The following NRK variants were observed in gnomAD, a reference collection of about 807,000 sequenced individuals.
NRK encodes Nik related kinase.
Under a neutral mutation model 125.2 loss-of-function variants are expected in NRK, and 67 were observed. The observed-to-expected ratio is 0.54, with a 90% CI of 0.44 to 0.66. The LOEUF is 0.66. Among genes scored for constraint, NRK ranks in the 30% least tolerant of loss-of-function variants. The pLI is 0.00. For missense variants in NRK, 1,224 were observed against 1,192.9 expected (o/e 1.03, Z -0.38); for synonymous variants, 458 against 429.0 (o/e 1.07, Z -0.84).
intron 21 of NRK, among the ~76,000 whole-genome samples, chrX:105,936,153 C>A (rs2040662150): frequency 9.0e-6 from 1 of 111,427 alleles, no homozygotes; most frequent in African/African-American, 3.3e-5. Flanking sequence ...TAAATGCCAA[C>A]CTCTGTCTTG....
chrX:105,923,928 T>TATATATA (rs2040489298), intron 18 of NRK, among the ~76,000 whole-genome samples: 1 of 78,917 alleles, frequency 1.3e-5, no homozygotes, highest in Non-Finnish European at 2.1e-5. Context: ...TATATATATG[T>TATATATA]GAAATTTAAG....
chrX:105,952,856 C>T, intron 27 of NRK, among the ~76,000 whole-genome samples, 178 bp from the exon 28 acceptor site: 1 of 111,875 alleles, frequency 8.9e-6, no homozygotes, highest in Non-Finnish European at 1.9e-5. Context: ...CCAGTTTGAA[C>T]ACCACTCTTG....
intron 2 of NRK, among the ~76,000 whole-genome samples, chrX:105,868,698 C>CT (rs2039703164): frequency 9.2e-6 from 1 of 108,355 alleles, no homozygotes; most frequent in African/African-American, 3.4e-5. Context: ...ATCCACCATA[C>CT]TTTCCCCCCA....
chrX:105,845,811 G>A (rs1291251445), intron 2 of NRK, among the ~76,000 whole-genome samples: 1 of 111,768 alleles, frequency 8.9e-6, no homozygotes, highest in Non-Finnish European at 1.9e-5. Flanking sequence ...GCTTCTTCTG[G>A]CAAATGTTTT....
intron 28 of NRK, among the ~76,000 whole-genome samples, chrX:105,954,233 C>T (rs769788922): frequency 1.2e-4 from 13 of 110,897 alleles, no homozygotes; most frequent in Non-Finnish European, 2.3e-4. Context: ...AATGTTGTCT[C>T]TTTATTATGA....
At chrX:105,910,177 A>G (rs1245431934) in intron 13 of NRK, among the ~76,000 whole-genome samples, 1 of 112,177 alleles carries the variant, frequency 8.9e-6, no homozygotes, top group Non-Finnish European at 1.9e-5. Context: ...AAAAATTACT[A>G]TTTTGGATCT....
intron 19 of NRK, among the ~76,000 whole-genome samples, chrX:105,929,363 C>T (rs2040565225): frequency 9.0e-6 from 1 of 111,503 alleles, no homozygotes; most frequent in African/African-American, 3.2e-5. Flanking sequence ...TCTTCATTTT[C>T]AATCAGTGTG....
chrX:105,879,233 A>G (rs978176737), intron 2 of NRK, among the ~76,000 whole-genome samples: 29 of 110,674 alleles, frequency 2.6e-4, no homozygotes, highest in African/African-American at 8.8e-4. Context: ...ATCTGCAAAG[A>G]CCCTGTTTCC....
chrX:105,948,565 T>G (rs2040848802), intron 26 of NRK: 1 of 436,326 alleles, frequency 2.3e-6, no homozygotes, highest in East Asian at 3.9e-5. Context: ...CTAAACAGAT[T>G]TTATTAAGAC....
chrX:105,922,540 A>G (rs1446700184), intron 17 of NRK, among the ~76,000 whole-genome samples: 1 of 112,061 alleles, frequency 8.9e-6, no homozygotes, highest in Admixed American at 9.5e-5. Context: ...TCCTAATGCA[A>G]TGTGCTTTCA....
chrX:105,854,406 G>A (rs1197197248), intron 2 of NRK, among the ~76,000 whole-genome samples: 1 of 111,679 alleles, frequency 9.0e-6, no homozygotes, highest in Non-Finnish European at 1.9e-5. Flanking sequence ...AAGACACATA[G>A]CCTCAAGATA....
At chrX:105,837,189 T>C (rs1048586309) in intron 2 of NRK, among the ~76,000 whole-genome samples, 19 of 111,597 alleles carry the variant, frequency 1.7e-4, no homozygotes, top group African/African-American at 5.8e-4. Context: ...TAGTGAGATA[T>C]TGGATTTTTT....
chrX:105,906,508 C>A lies in NRK; in HGVS notation c.940C>A (p.Arg314=), dbSNP rs747023598. ...SANMLQHPFV[R]DIKNERHVVE... ...AAACATGCTTCAACACCCATTTGTT[C>A]GGGATATAAAAAATGAACGACATGT... The change falls in exon 11 of 29, where the codon CGG becomes AGG. Residue 314 remains arginine, a synonymous_variant. Transcript: ENST00000243300. 1 of 1,155,591 alleles carries A rather than the reference C, an allele frequency of 8.7e-7. No homozygotes were observed. The highest frequency in any genetic ancestry group is 1.2e-6 in the Non-Finnish European group (1 of 857,654).
chrX:105,830,224 C>G (rs113652530), intron 1 of NRK, among the ~76,000 whole-genome samples: 6,027 of 93,489 alleles, frequency 0.064, 514 homozygotes, highest in African/African-American at 0.23. Flanking sequence ...TGAGGCAGGA[C>G]AATCACTTGA....
intron 9 of NRK, among the ~76,000 whole-genome samples, chrX:105,903,832 A>C (rs761857136): frequency 8.9e-6 from 1 of 111,844 alleles, no homozygotes; most frequent in Non-Finnish European, 1.9e-5. Context: ...TTAATATTGT[A>C]CCAACTCCCT....
At chrX:105,933,486 A>G (rs745882050) in intron 19 of NRK, among the ~76,000 whole-genome samples, 128 of 111,810 alleles carry the variant, frequency 1.1e-3, no homozygotes, top group African/African-American at 3.9e-3. Context: ...ACTTACCAAC[A>G]ATAGTTGACA....
intron 5 of NRK, among the ~76,000 whole-genome samples, chrX:105,891,090 T>C (rs1395305517): frequency 2.7e-5 from 3 of 112,067 alleles, no homozygotes; most frequent in African/African-American, 6.5e-5. Flanking sequence ...CATGAGCATA[T>C]GGGTGCATTT....
At chrX:105,949,767 C>T (rs1286890395) in intron 27 of NRK, 33 bp downstream of exon 27, 3 of 1,009,134 alleles carry the variant, frequency 3.0e-6, no homozygotes, top group Non-Finnish European at 4.0e-6. Context: ...CTTCAGGACC[C>T]CAGAGAAAAT....
chrX:105,910,515 CCG>C (rs1239747629), intron 13 of NRK, among the ~76,000 whole-genome samples: 1 of 112,245 alleles, frequency 8.9e-6, no homozygotes, highest in African/African-American at 3.2e-5. Flanking sequence ...AAATTATTCT[CCG>C]TGTTAGAAGA....
Sources: gnomAD v4.1 joint callset for allele counts (sites outside exome capture counted in the v4.1 genomes callset) on GRCh38, gnomAD v4.1.1 for gene constraint, MANE v1.5 for transcripts, NCBI Gene and HGNC (gene_info 2026-07-23, HGNC 2026-07-21) for gene names.